The following TRIM41 variants were observed in gnomAD, a reference collection of about 807,000 sequenced individuals.
TRIM41 encodes the protein E3 ubiquitin-protein ligase TRIM41.
TRIM41 carries 21 observed loss-of-function variants against 60.6 expected under a neutral mutation model. The observed-to-expected ratio is 0.35, with a 90% CI of 0.25 to 0.50. TRIM41 has a LOEUF of 0.50. TRIM41 is among the 20% of genes least tolerant of loss of function. The pLI is 0.98. For synonymous variants in TRIM41, 407 were observed against 344.9 expected (o/e 1.18, Z -2.00); for missense variants, 846 against 868.3 (o/e 0.97, Z 0.32).
Position 181,233,739 on chromosome 5 carries a change from C to A in TRIM41, c.1267C>A (p.Arg423=). 6.2e-7 allele frequency: 1 copy of A among 1,614,180 alleles called. No homozygotes were observed. The highest frequency in any genetic ancestry group is 1.1e-5 in the South Asian group (1 of 91,086). Residue 423 remains arginine, a synonymous_variant, in exon 5 of 6, where the codon CGG becomes AGG. Coordinates refer to ENST00000315073, the MANE Select transcript of TRIM41 (RefSeq NM_033549.5). The surrounding 1 kb of genome is among the most constrained non-coding windows in gnomAD (Gnocchi z 4.1). ...AGATGCCATCGTGAGGAAAATGAGC[C>A]GGATGTTCTGTCAGGCTGCGAGAGG... is the stretch of plus-strand genomic sequence containing the variant. ...LTDAIVRKMS[R]MFCQAARVDL... is the part of the protein sequence containing the mutation.
intron 1 of TRIM41, 51 bp downstream of exon 1, chr5:181,224,863 A>G: frequency 6.2e-7 from 1 of 1,610,466 alleles, no homozygotes. Flanking sequence ...GATGGAGAGG[A>G]AGTAAGGGGA....
chr5:181,230,655 C>A, intron 1 of TRIM41, 89 bp from the exon 2 acceptor site: 2 of 1,022,200 alleles, frequency 2.0e-6, no homozygotes, highest in Non-Finnish European at 3.0e-6. Context: ...CAGGCTTTGA[C>A]CCATCTTGCT....
Position 181,223,707 on chromosome 5 carries a change from T to C in TRIM41, c.-293T>C, listed in dbSNP as rs1026800729. ...GCCAGGAAGTGAGGAGGGGCGGGGGTTTATGAGGAGTCCAAGGGAGCATTG... is the reference window on the plus strand; with the variant it reads ...GCCAGGAAGTGAGGAGGGGCGGGGGCTTATGAGGAGTCCAAGGGAGCATTG... On this transcript the variant is annotated 5_prime_UTR_variant, in exon 1 of 6. Transcript: ENST00000315073. 8.3e-6 allele frequency: 4 copies of C among 479,990 alleles called. No individual in the cohort carries two copies. The highest frequency in any genetic ancestry group is 1.5e-5 in the Non-Finnish European group (4 of 271,662). The allele number at this position is 479,990 out of a possible 1,614,324, so 29.7% of individuals were successfully genotyped here.
Position 181,223,843 on chromosome 5 carries a change from G to A in TRIM41, c.-157G>A, listed in dbSNP as rs1011602393. On this transcript the variant is annotated 5_prime_UTR_variant, in exon 1 of 6. Transcript: ENST00000315073. ...TTTGGGAGTAGGGAACACTGTGTTG[G>A]GGTGGGTTGTCGGCAGGACATCTCT... 10 of 700,712 alleles carry A rather than the reference G, an allele frequency of 1.4e-5. No individual in the cohort carries two copies. The highest frequency in any genetic ancestry group is 2.1e-5 in the Non-Finnish European group (9 of 426,590). 43.4% of individuals were successfully genotyped at this position (700,712 alleles called of 1,614,324 possible). A position where few individuals can be genotyped will look rare whatever the true frequency, so the allele number is the denominator to read the frequency against.
rs140490865 is a variant in TRIM41 at position 181,224,313 on chromosome 5, G to T, written c.314G>T (p.Gly105Val). The T allele has an allele frequency of 2.8e-5, 45 of 1,613,858 alleles. No homozygotes were observed. Among genetic ancestry groups the T allele is most frequent in the Non-Finnish European group, 3.4e-5 (40 of 1,179,990 alleles). ...MEEEVEEEEEGVFWTSGMSRS... is the reference protein window; with the variant it reads ...MEEEVEEEEEVVFWTSGMSRS... ...GAGGAGGTCGAGGAGGAAGAAGAGG[G>T]TGTGTTCTGGACCAGTGGCATGAGC... is the stretch of plus-strand genomic sequence containing the variant. Residue 105 changes from glycine to valine, a missense_variant, in exon 1 of 6, where the codon GGT (glycine) becomes GTT (valine). Physicochemically the swap from Gly to Val is moderately radical, Grantham distance 109. Transcript: ENST00000315073.
rs1476586250 is a variant in TRIM41, at chr5:181,234,946, C to A, written c.*171C>A. The A allele has an allele frequency of 4.3e-6, 7 of 1,614,026 alleles. No individual in the cohort carries two copies. Among genetic ancestry groups the A allele is most frequent in the Non-Finnish European group, 5.1e-6 (6 of 1,180,024 alleles). ...TCTCCCTCTAGGAGCCTAAAGAACCCTCCTGGCCTCCAGCTCAGCCTTCTC... is the reference window on the plus strand; with the variant it reads ...TCTCCCTCTAGGAGCCTAAAGAACCATCCTGGCCTCCAGCTCAGCCTTCTC... On this transcript the variant is annotated 3_prime_UTR_variant, in exon 6 of 6. Coordinates refer to ENST00000315073, the MANE Select transcript of TRIM41 (RefSeq NM_033549.5). The surrounding 1 kb of genome is among the most constrained non-coding windows in gnomAD (Gnocchi z 5.6).
chr5:181,224,452 G>A lies in TRIM41; in HGVS notation c.453G>A (p.Glu151=), dbSNP rs1332982973. ...AGGACCTGAGGGGGGAGGATGAGGA[G>A]GACGAGGAGGAAGTGCTGGAGGAGG... ...EEEDLRGEDE[E]DEEEVLEEVE... Residue 151 remains glutamate, a synonymous_variant, in exon 1 of 6, where the codon GAG becomes GAA. Coordinates refer to ENST00000315073, the MANE Select transcript of TRIM41 (RefSeq NM_033549.5). The A allele has an allele frequency of 6.2e-7, 1 of 1,613,804 alleles. No individual in the cohort carries two copies. The highest frequency in any genetic ancestry group is 1.3e-5 in the African/African-American group (1 of 75,010).
Position 181,235,402 on chromosome 5 carries a change from T to C in TRIM41, c.*627T>C, listed in dbSNP as rs1190032622. On this transcript the variant is annotated 3_prime_UTR_variant, in exon 6 of 6. Coordinates refer to ENST00000315073, the MANE Select transcript of TRIM41 (RefSeq NM_033549.5). ...TGAGAGAGATCTGGAATGGTCGCCA[T>C]GATTGAAACCACGCACCATTACATC... The C allele has an allele frequency of 6.2e-7, 1 of 1,614,234 alleles. No individual in the cohort carries two copies. The highest frequency in any genetic ancestry group is 1.1e-5 in the South Asian group (1 of 91,086).
chr5:181,235,271 G>A lies in TRIM41; in HGVS notation c.*496G>A. 1 of 1,612,560 alleles carries A rather than the reference G, an allele frequency of 6.2e-7. No individual in the cohort carries two copies. The highest frequency in any genetic ancestry group is 1.7e-5 in the Admixed American group (1 of 59,852). ...TTGGGGAGGCAGGCTGGGCCAAAGG[G>A]TAGAGCTGGGTAATAAATGTCTATT... On this transcript the variant is annotated 3_prime_UTR_variant, in exon 6 of 6. Coordinates refer to ENST00000315073, the MANE Select transcript of TRIM41 (RefSeq NM_033549.5).
intron 1 of TRIM41, chr5:181,226,066 C>G (rs183087240): frequency 6.6e-6 from 1 of 152,046 alleles, no homozygotes; most frequent in African/African-American, 2.4e-5. Flanking sequence ...ACCTACATTA[C>G]CTCATCACAA....
At chr5:181,226,193 C>T (rs1325773622) in intron 1 of TRIM41, 1 of 152,062 alleles carries the variant, frequency 6.6e-6, no homozygotes, top group Non-Finnish European at 1.5e-5. Flanking sequence ...CAGCCTTCAC[C>T]TCCCGGGTTC....
In TRIM41 at chr5:181,234,538, G is replaced by A. The variant is rs774590242; in HGVS notation, c.1656G>A (p.Val552=). 66 of 1,614,068 alleles carry A rather than the reference G, an allele frequency of 4.1e-5. No homozygotes were observed. The highest frequency in any genetic ancestry group is 1.3e-4 in the Admixed American group (8 of 60,012). ...QPLLQREVWC[V]GTNGKRYQAQ... ...TGCTCCAGCGGGAAGTGTGGTGCGT[G>A]GGCACCAACGGCAAACGCTATCAGG... The change falls in exon 6 of 6, where the codon GTG becomes GTA. Residue 552 remains valine, a synonymous_variant. Transcript: ENST00000315073. This position sits in a 1 kb window ranked among gnomAD's most constrained non-coding sequence, Gnocchi z 5.6.
chr5:181,233,285 G>A lies in TRIM41; in HGVS notation c.1141-128G>A, dbSNP rs1263940032. 1.0e-6 allele frequency: 1 copy of A among 967,932 alleles called. No homozygotes were observed. The highest frequency in any genetic ancestry group is 1.7e-6 in the Non-Finnish European group (1 of 601,560). The allele number at this position is 967,932 out of a possible 1,614,324, so 60.0% of individuals were successfully genotyped here. ...GATGTGTGTTCATTGAGGGCCGTGAGGGTGCTGCTTCTCCCTTCCTGCTCA... is the reference window on the plus strand; with the variant it reads ...GATGTGTGTTCATTGAGGGCCGTGAAGGTGCTGCTTCTCCCTTCCTGCTCA... On this transcript the variant is annotated intron_variant, in intron 3 of 5. Coordinates refer to ENST00000315073, the MANE Select transcript of TRIM41 (RefSeq NM_033549.5). The surrounding 1 kb of genome is among the most constrained non-coding windows in gnomAD (Gnocchi z 4.1).
chr5:181,234,991 A>C lies in TRIM41; in HGVS notation c.*216A>C. 2.5e-6 allele frequency: 4 copies of C among 1,614,024 alleles called. No homozygotes were observed. The highest frequency in any genetic ancestry group is 3.4e-6 in the Non-Finnish European group (4 of 1,179,928). Reference sequence around the variant, plus strand: ...CTTCTCTCACCTACTATGTCTGTCCAACAGGTCTGCATGGGTCCCTGATAA... The same window carrying C: ...CTTCTCTCACCTACTATGTCTGTCCCACAGGTCTGCATGGGTCCCTGATAA... On this transcript the variant is annotated 3_prime_UTR_variant, in exon 6 of 6. Transcript: ENST00000315073. This position sits in a 1 kb window ranked among gnomAD's most constrained non-coding sequence, Gnocchi z 5.6.
chr5:181,230,683 G>A, intron 1 of TRIM41, 61 bp from the exon 2 acceptor site: 1 of 1,402,774 alleles, frequency 7.1e-7, no homozygotes, highest in African/African-American at 1.4e-5. Context: ...GGATTGCAGA[G>A]GTAGGCTCTG....
Position 181,234,985 on chromosome 5 carries a change from C to A in TRIM41, c.*210C>A, listed in dbSNP as rs1759025617. The A allele has an allele frequency of 6.2e-7, 1 of 1,614,046 alleles. No individual in the cohort carries two copies. On this transcript the variant is annotated 3_prime_UTR_variant, in exon 6 of 6. Coordinates refer to ENST00000315073, the MANE Select transcript of TRIM41 (RefSeq NM_033549.5). This position sits in a 1 kb window ranked among gnomAD's most constrained non-coding sequence, Gnocchi z 5.6. ...CTCAGCCTTCTCTCACCTACTATGT[C>A]TGTCCAACAGGTCTGCATGGGTCCC...
Position 181,224,337 on chromosome 5 carries a change from G to C in TRIM41, c.338G>C (p.Ser113Thr). The C allele has an allele frequency of 6.2e-7, 1 of 1,613,976 alleles. No individual in the cohort carries two copies. Among genetic ancestry groups the C allele is most frequent in the South Asian group, 1.1e-5 (1 of 91,072 alleles). The stretch of plus-strand genomic sequence containing the variant: ...GGTGTGTTCTGGACCAGTGGCATGA[G>C]CAGGTCCAGCTGGGACAACATGGAC... ...EEGVFWTSGM[S>T]RSSWDNMDYV... The change falls in exon 1 of 6, where the codon AGC becomes ACC. Residue 113 changes from serine (S) to threonine (T), a missense_variant. Ser to Thr is a moderately conservative substitution (Grantham distance 58). Transcript: ENST00000315073.
chr5:181,228,730 T>A (rs1339486473), intron 1 of TRIM41: 1 of 151,172 alleles, frequency 6.6e-6, no homozygotes, highest in African/African-American at 2.4e-5. Context: ...AGGGCAGGAG[T>A]TAAGACCAGC....
intron 1 of TRIM41, chr5:181,225,975 C>A (rs1049250623): frequency 6.6e-6 from 1 of 152,136 alleles, no homozygotes; most frequent in African/African-American, 2.4e-5. Context: ...GCTATAACTT[C>A]ATTTAGGTAT....
Sources: allele counts gnomAD v4.1 joint callset, GRCh38; gene constraint gnomAD v4.1.1; non-coding constraint Gnocchi (gnomAD v3.1); transcripts MANE v1.5; gene names NCBI Gene and HGNC (gene_info 2026-07-23, HGNC 2026-07-21).